Variants in PPEF2 observed in about 807,000 individuals in gnomAD.
PPEF2 encodes the protein serine/threonine-protein phosphatase with EF-hands 2.
A neutral mutation model predicts 84.7 loss-of-function variants in PPEF2; 84 were observed. The ratio of observed to expected loss-of-function variants is 0.99; its 90% confidence interval spans 0.83 to 1.19. The LOEUF is 1.19. Among genes scored for constraint, PPEF2 ranks in the 50% most tolerant of loss-of-function variants. PPEF2 has a pLI of 0.00. For synonymous variants in PPEF2, 346 were observed against 345.2 expected (o/e 1.00, Z -0.03); for missense variants, 924 against 937.5 (o/e 0.99, Z 0.19).
chr4:75,861,845 G>A (rs1440712884), intron 16 of PPEF2, among the ~76,000 whole-genome samples: 2 of 146,882 alleles, frequency 1.4e-5, no homozygotes, highest in African/African-American at 2.5e-5. Flanking sequence ...TCCTGACCTC[G>A]TGATCCACCT....
chr4:75,884,239 T>G (rs1402128829), intron 8 of PPEF2, among the ~76,000 whole-genome samples: 1 of 152,014 alleles, frequency 6.6e-6, no homozygotes, highest in Non-Finnish European at 1.5e-5. Context: ...GAGACCAGCC[T>G]GGCCAACATG....
At chr4:75,863,698 C>T (rs1315242321) in intron 16 of PPEF2, among the ~76,000 whole-genome samples, 2 of 151,688 alleles carry the variant, frequency 1.3e-5, no homozygotes, top group Admixed American at 6.6e-5. Context: ...ATGTACAGGA[C>T]CTCACCATAT....
intron 2 of PPEF2, among the ~76,000 whole-genome samples, chr4:75,895,434 C>CA (rs199671991): frequency 6.5e-5 from 9 of 137,864 alleles, no homozygotes; most frequent in African/African-American, 1.7e-4. Flanking sequence ...GTCTCAAAAA[C>CA]AAAAAAAAAT....
chr4:75,880,577 T>C (rs965000887), intron 10 of PPEF2, among the ~76,000 whole-genome samples: 1 of 152,222 alleles, frequency 6.6e-6, no homozygotes, highest in Non-Finnish European at 1.5e-5. Flanking sequence ...TCCCATGAGA[T>C]AATTTGCTCT....
chr4:75,867,655 C>A (rs562081200), intron 13 of PPEF2, among the ~76,000 whole-genome samples: 4 of 152,246 alleles, frequency 2.6e-5, no homozygotes, highest in African/African-American at 9.6e-5. Context: ...AGAAGGATCA[C>A]CTCTGTGGTA....
rs1351983447 is a variant in PPEF2 at position 75,872,032 on chromosome 4, T to C, written c.1642A>G (p.Arg548Gly). Residue 548 changes from arginine (R) to glycine (G), a missense_variant, in exon 13 of 17, where the codon AGG (arginine) becomes GGG (glycine). Physicochemically the swap from Arg to Gly is moderately radical, Grantham distance 125. Coordinates refer to ENST00000286719, the MANE Select transcript of PPEF2 (RefSeq NM_006239.3). ...CTCATTGAAAAGTCTTGCCTTTGCC[T>C]CATGGTGAGTGTGTGGGTCACCTTG... ...ANKVTHTLTMRQRISRVEESA... is the reference protein window; with the variant it reads ...ANKVTHTLTMGQRISRVEESA... The C allele has an allele frequency of 6.3e-7, 1 of 1,593,724 alleles. No individual in the cohort carries two copies. The highest frequency in any genetic ancestry group is 1.4e-5 in the African/African-American group (1 of 73,942).
chr4:75,864,528 C>CT lies in PPEF2; in HGVS notation c.1921-2dup, dbSNP rs752770230. ...TTTCCAGCAAACTTGATTGTATGTT[C>CT]TGCAAGAAAAAATTCATTTTCCTTC... is the stretch of plus-strand genomic sequence containing the variant. On this transcript the variant is annotated splice_acceptor_variant, in intron 15 of 16. Transcript: ENST00000286719. LOFTEE classifies it high-confidence loss of function. 2 of 1,608,460 alleles carry CT rather than the reference C, an allele frequency of 1.2e-6. No individual in the cohort carries two copies. Among genetic ancestry groups the CT allele is most frequent in the African/African-American group, 2.7e-5 (2 of 74,878 alleles).
At chr4:75,888,029 T>A (rs942025793) in intron 6 of PPEF2, among the ~76,000 whole-genome samples, 185 bp downstream of exon 6, 1 of 152,192 alleles carries the variant, frequency 6.6e-6, no homozygotes, top group Non-Finnish European at 1.5e-5. Context: ...CATGATCCCC[T>A]TCGCTGCACC....
intron 15 of PPEF2, among the ~76,000 whole-genome samples, chr4:75,865,679 C>G (rs189107805): frequency 6.6e-6 from 1 of 152,160 alleles, no homozygotes; most frequent in African/African-American, 2.4e-5. Context: ...AGCCACCGCA[C>G]CCAGCTGAAT....
At chr4:75,882,774 T>C (rs1011936748) in intron 10 of PPEF2, 152 bp downstream of exon 10, 151 of 783,990 alleles carry the variant, frequency 1.9e-4, no homozygotes, top group Non-Finnish European at 2.9e-4. Flanking sequence ...TTTATAGGTG[T>C]GAGACACTGT....
intron 16 of PPEF2, among the ~76,000 whole-genome samples, chr4:75,863,261 G>T (rs375927034): frequency 6.6e-6 from 1 of 151,950 alleles, no homozygotes; most frequent in South Asian, 2.1e-4. Context: ...GGAGATCTAG[G>T]TGGGTGAATC....
intron 4 of PPEF2, among the ~76,000 whole-genome samples, chr4:75,890,452 G>A (rs1423246024): frequency 2.1e-5 from 3 of 143,288 alleles, no homozygotes; most frequent in Non-Finnish European, 4.5e-5. Flanking sequence ...TGATACTACT[G>A]CACTCCAGCC....
intron 10 of PPEF2, among the ~76,000 whole-genome samples, chr4:75,877,267 G>A (rs576021715): frequency 6.6e-6 from 1 of 152,034 alleles, no homozygotes; most frequent in Non-Finnish European, 1.5e-5. Flanking sequence ...AACCCGGGAG[G>A]CGGAGGTTGC....
In PPEF2 at chr4:75,884,775, G is replaced by C. The variant is rs781107519; in HGVS notation, c.580-15C>G. 1 of 1,558,624 alleles carries C rather than the reference G, an allele frequency of 6.4e-7. No homozygotes were observed. The highest frequency in any genetic ancestry group is 2.3e-5 in the East Asian group (1 of 43,910). On this transcript the variant is annotated splice_polypyrimidine_tract_variant and intron_variant, in intron 7 of 16. Coordinates refer to ENST00000286719, the MANE Select transcript of PPEF2 (RefSeq NM_006239.3). ...GGGAGGCCATTCTTTTCAACAAGGA[G>C]ACCAGTGAAAGAATGAATGGGAGGA...
Position 75,873,251 on chromosome 4 carries a change from C to G in PPEF2, c.1382G>C (p.Arg461Pro). The change falls in exon 12 of 17, where the codon CGA becomes CCA. Residue 461 changes from arginine (R) to proline (P), a missense_variant. Physicochemically the swap from Arg to Pro is moderately radical, Grantham distance 103 (BLOSUM62 -2). Coordinates refer to ENST00000286719, the MANE Select transcript of PPEF2 (RefSeq NM_006239.3). ...AGGCCCAAAATAACAGCCTCCTCCT[C>G]GAATAGTGTTGGCCTTGCAGCCCTC... Reference protein sequence around the residue: ...AQEGCKANTIRGGGCYFGPDV... With the variant: ...AQEGCKANTIPGGGCYFGPDV... The G allele has an allele frequency of 1.9e-6, 3 of 1,614,156 alleles. No individual in the cohort carries two copies. Among genetic ancestry groups the G allele is most frequent in the Non-Finnish European group, 2.5e-6 (3 of 1,180,020 alleles).
At position 75,866,177 on chromosome 4, in the gene PPEF2, C is replaced by A. The variant is rs747927927; in HGVS notation, c.1920+12G>T. On this transcript the variant is annotated intron_variant, in intron 15 of 16. Transcript: ENST00000286719. ...CCACATGTGCTCTCATCCACCATTA[C>A]CACACCGTTACCTCGCGACTCAGTT... 2.5e-6 allele frequency: 4 copies of A among 1,604,256 alleles called. No individual in the cohort carries two copies. In the South Asian group the frequency reaches 3.4e-5, roughly 14 times the overall value.
rs1257334331 is a variant in PPEF2 at position 75,882,945 on chromosome 4, T to C, written c.914A>G (p.Asp305Gly). 3 of 1,613,028 alleles carry C rather than the reference T, an allele frequency of 1.9e-6. No homozygotes were observed. The highest frequency in any genetic ancestry group is 2.5e-6 in the Non-Finnish European group (3 of 1,179,650). Reference sequence around the variant, plus strand: ...CACTACCTTGCTCCTCTCTATTTTGTCCAAAAGCTCCAGATCAGTTATGTC... The same window carrying C: ...CACTACCTTGCTCCTCTCTATTTTGCCCAAAAGCTCCAGATCAGTTATGTC... ...VSDITDLELL[D>G]KIERSKIVST... Residue 305 changes from aspartate (D) to glycine (G), a missense_variant, in exon 10 of 17, where the codon GAC (aspartate) becomes GGC (glycine). Physicochemically the swap from Asp to Gly is moderately conservative, Grantham distance 94. Coordinates refer to ENST00000286719, the MANE Select transcript of PPEF2 (RefSeq NM_006239.3).
At chr4:75,868,932 CCAGG>C (rs1724200446) in intron 13 of PPEF2, among the ~76,000 whole-genome samples, 1 of 151,930 alleles carries the variant, frequency 6.6e-6, no homozygotes, top group Non-Finnish European at 1.5e-5. Flanking sequence ...TTGCTTGAGC[CCAGG>C]AGTTCGAGGT....
chr4:75,868,652 T>C (rs2047978), intron 13 of PPEF2, among the ~76,000 whole-genome samples: 150,707 of 152,084 alleles, frequency 0.99, 74,685 homozygotes, highest in Middle Eastern at 1. Context: ...GCCAAGATCA[T>C]GCCACTGCAC....
Sources: allele counts gnomAD v4.1 joint callset (sites outside exome capture counted in the v4.1 genomes callset), GRCh38; gene constraint gnomAD v4.1.1; transcripts MANE v1.5; gene names NCBI Gene and HGNC (gene_info 2026-07-23, HGNC 2026-07-21).